VPS51: variants seen among roughly 807,000 people sequenced by gnomAD.
VPS51 encodes vacuolar protein sorting-associated protein 51 homolog.
A neutral mutation model predicts 65.1 loss-of-function variants in VPS51; 55 were observed. The ratio of observed to expected loss-of-function variants is 0.84; its 90% CI spans 0.68 to 1.06. VPS51 has a LOEUF of 1.06. Ranked by LOEUF, VPS51 falls within the 50% of genes least tolerant of loss-of-function variation. VPS51 has a pLI of 0.00. For synonymous variants in VPS51, 473 were observed against 489.5 expected (o/e 0.97, Z 0.44); for missense variants, 943 against 1,101.6 (o/e 0.86, Z 2.04).
Position 65,096,293 on chromosome 11 carries a change from C to T in VPS51, c.43C>T (p.Pro15Ser). The change falls in exon 1 of 10, where the codon CCT (proline) becomes TCT (serine). Residue 15 changes from proline to serine, a missense_variant. Physicochemically the swap from Pro to Ser is moderately conservative, Grantham distance 74. Around this residue, in one of 2 missense-constraint regions of VPS51, gnomAD observed 855 missense variants for 953.7 expected, o/e 0.90. Transcript: ENST00000279281. The stretch of plus-strand genomic sequence containing the variant: ...CGCCGGGCCTAGCCCGGGGTCTGGA[C>T]CTGGGGACTCCCCAGAAGGGCCCGA... Reference protein sequence around the residue: ...AAAGPSPGSGPGDSPEGPEGE... With the variant: ...AAAGPSPGSGSGDSPEGPEGE... 1 of 1,518,882 alleles carries T rather than the reference C, an allele frequency of 6.6e-7. No homozygotes were observed. Among genetic ancestry groups the T allele is most frequent in the South Asian group, 1.2e-5 (1 of 80,840 alleles). 94.1% of individuals were successfully genotyped at this position (1,518,882 alleles called of 1,614,324 possible).
Position 65,109,378 on chromosome 11 carries a change from G to T in VPS51, c.1542G>T (p.Glu514Asp). Reference sequence around the variant, plus strand: ...AGAGCTTCTGCGACAGCCCTGGGGAGAAGGGGGGTGCCACACCACCTGCCC... The same window carrying T: ...AGAGCTTCTGCGACAGCCCTGGGGATAAGGGGGGTGCCACACCACCTGCCC... ...TAQSFCDSPG[E>D]KGGATPPALL... is the part of the protein sequence containing the mutation. Residue 514 changes from glutamate (E) to aspartate (D), a missense_variant, in exon 6 of 10, where the codon GAG becomes GAT. Glu to Asp is a conservative substitution (Grantham distance 45, BLOSUM62 2). This residue lies in a region of VPS51 where 855 missense variants were observed against 953.7 expected (regional missense o/e 0.90). Transcript: ENST00000279281. The T allele has an allele frequency of 6.2e-7, 1 of 1,612,794 alleles. No individual in the cohort carries two copies. The highest frequency in any genetic ancestry group is 8.5e-7 in the Non-Finnish European group (1 of 1,180,006).
chr11:65,098,959 G>A (rs1947789554), intron 2 of VPS51, among the ~76,000 whole-genome samples: 1 of 152,174 alleles, frequency 6.6e-6, no homozygotes, highest in African/African-American at 2.4e-5. Context: ...AGGCTGAGGT[G>A]GGTGGATCAC....
rs951688421 is a variant in VPS51, at chr11:65,096,655, G to A, written c.228+177G>A. The A allele has an allele frequency of 9.1e-5, 59 of 646,594 alleles. No homozygotes were observed. In the East Asian group the frequency reaches 1.1e-3, roughly 12 times the overall value. The allele number at this position is 646,594 out of a possible 1,614,324, so 40.1% of individuals were successfully genotyped here. On this transcript the variant is annotated intron_variant, in intron 1 of 9. Transcript: ENST00000279281. ...GCAGCTGAGGCGTCTGAGGGGATGT[G>A]AGTAGGACTGGACTGGCCTGAGGTG... is the stretch of plus-strand genomic sequence containing the variant.
chr11:65,107,364 G>T lies in VPS51; in HGVS notation c.359-217G>T. On this transcript the variant is annotated intron_variant, in intron 2 of 9. Transcript: ENST00000279281. This position sits in a 1 kb window ranked among gnomAD's most constrained non-coding sequence, Gnocchi z 4.0. The stretch of plus-strand genomic sequence containing the variant: ...CTGGGCACCAGGGTTAGGGGGTTAC[G>T]GGGAGTATGTGAGTAACGCCTGCTT... The T allele has an allele frequency of 1.6e-6, 1 of 643,198 alleles. No homozygotes were observed. The highest frequency in any genetic ancestry group is 2.8e-6 in the Non-Finnish European group (1 of 361,358). 39.8% of individuals were successfully genotyped at this position (643,198 alleles called of 1,614,324 possible).
In VPS51 at chr11:65,111,706, C is replaced by G; in HGVS notation, c.*119C>G. The G allele has an allele frequency of 7.2e-7, 1 of 1,398,492 alleles. No individual in the cohort carries two copies. The highest frequency in any genetic ancestry group is 1.5e-5 in the South Asian group (1 of 67,624). 86.6% of individuals were successfully genotyped at this position (1,398,492 alleles called of 1,614,324 possible). A position where few individuals can be genotyped will look rare whatever the true frequency, so the allele number is the denominator to read the frequency against. On this transcript the variant is annotated 3_prime_UTR_variant, in exon 10 of 10. Coordinates refer to ENST00000279281, the MANE Select transcript of VPS51 (RefSeq NM_013265.4). The stretch of plus-strand genomic sequence containing the variant: ...CGGCCTAATAAACATGTGTGGCCTC[C>G]TCCTCTCGCTTGCTGGGCGGGCCTT...
chr11:65,108,056 G>T (rs1947855986), intron 4 of VPS51, 34 bp downstream of exon 4: 1 of 1,487,996 alleles, frequency 6.7e-7, no homozygotes. Context: ...CAGCGCTCCC[G>T]CCAGCCCCGA....
At chr11:65,110,993 C>A in intron 9 of VPS51, 1 of 674,368 alleles carries the variant, frequency 1.5e-6, no homozygotes, top group South Asian at 1.8e-5. Context: ...GTATGCCCAG[C>A]CTGAGTCTGG....
chr11:65,099,449 A>T lies in VPS51; in HGVS notation c.358+2322A>T, dbSNP rs1281331555. On this transcript the variant is annotated intron_variant, in intron 2 of 9. Coordinates refer to ENST00000279281, the MANE Select transcript of VPS51 (RefSeq NM_013265.4). The stretch of plus-strand genomic sequence containing the variant: ...TATCCACAGAGAGCTAAAACAAATG[A>T]GTGATGTGCTCAGATTTCTGGTTTG... Among the ~76,000 whole-genome samples the T allele has an allele frequency of 2.0e-5, 3 of 152,128 alleles. No individual in the cohort carries two copies. The East Asian group carries it at 5.8e-4, about 29-fold the overall frequency.
intron 7 of VPS51, 44 bp from the exon 8 acceptor site, chr11:65,110,438 T>C: frequency 6.2e-7 from 1 of 1,613,222 alleles, no homozygotes; most frequent in Admixed American, 1.7e-5. Flanking sequence ...GCTGGTGGTT[T>C]CCCCTGACTC....
Position 65,107,203 on chromosome 11 carries a change from G to A in VPS51, c.359-378G>A. 1 of 484,116 alleles carries A rather than the reference G, an allele frequency of 2.1e-6. No individual in the cohort carries two copies. The highest frequency in any genetic ancestry group is 4.1e-6 in the Non-Finnish European group (1 of 246,190). 30.0% of individuals were successfully genotyped at this position (484,116 alleles called of 1,614,324 possible). A position where few individuals can be genotyped will look rare whatever the true frequency, so the allele number is the denominator to read the frequency against. On this transcript the variant is annotated intron_variant, in intron 2 of 9. Coordinates refer to ENST00000279281, the MANE Select transcript of VPS51 (RefSeq NM_013265.4). This position sits in a 1 kb window ranked among gnomAD's most constrained non-coding sequence, Gnocchi z 4.0. The stretch of plus-strand genomic sequence containing the variant: ...CTCATCCAGGCAGTGCGCTGGACAC[G>A]CAGATGCGCTTGGGAGCCAGCGGTC...
In VPS51 at chr11:65,098,844, A is replaced by G. The variant is rs1947788637; in HGVS notation, c.358+1717A>G. ...TCTTTTTGTACATCCCACAAAAGGA[A>G]CAAACGTTTGGAAAAGTGTGAGGAT... On this transcript the variant is annotated intron_variant, in intron 2 of 9. Coordinates refer to ENST00000279281, the MANE Select transcript of VPS51 (RefSeq NM_013265.4). Among the ~76,000 whole-genome samples the G allele has an allele frequency of 3.3e-5, 5 of 152,210 alleles. No homozygotes were observed. In the South Asian group the frequency reaches 1.0e-3, roughly 31 times the overall value.
chr11:65,096,904 A>C, intron 1 of VPS51, 94 bp from the exon 2 acceptor site: 8 of 1,534,972 alleles, frequency 5.2e-6, no homozygotes, highest in Non-Finnish European at 7.0e-6. Context: ...GGTGGGGATC[A>C]GAGATTTCTT....
At chr11:65,099,103 G>A (rs1242926875) in intron 2 of VPS51, among the ~76,000 whole-genome samples, 1 of 152,184 alleles carries the variant, frequency 6.6e-6, no homozygotes, top group Non-Finnish European at 1.5e-5. Flanking sequence ...CAGGAGAATT[G>A]CTTGAACCCA....
intron 2 of VPS51, among the ~76,000 whole-genome samples, chr11:65,100,612 C>T (rs886695209): frequency 6.8e-6 from 1 of 147,892 alleles, no homozygotes; most frequent in African/African-American, 2.5e-5. Flanking sequence ...CTCACTGTAA[C>T]CTCCGCCTCC....
At chr11:65,108,146 C>G (rs1051274740) in intron 4 of VPS51, 51 bp from the exon 5 acceptor site, 1 of 1,577,448 alleles carries the variant, frequency 6.3e-7, no homozygotes, top group African/African-American at 1.4e-5. Context: ...TGCTCCTGCC[C>G]CATCCACCGG....
At chr11:65,110,034 C>A in intron 7 of VPS51, 111 bp downstream of exon 7, 1 of 1,191,656 alleles carries the variant, frequency 8.4e-7, no homozygotes, top group Non-Finnish European at 1.2e-6. Flanking sequence ...GAGGAGGGGA[C>A]ATGTGTATCT....
rs867252838 is a variant in VPS51, at chr11:65,107,691, C to A, written c.469C>A (p.Leu157Met). 1.9e-6 allele frequency: 3 copies of A among 1,610,124 alleles called. No homozygotes were observed. Among genetic ancestry groups the A allele is most frequent in the Middle Eastern group, 1.7e-4 (1 of 6,056 alleles). ...TDFSARISAT[L>M]QDRHERITKL... ...CTTCAGCGCTCGCATCAGCGCCACG[C>A]TGCAGGACCGCCACGAGCGCATCAC... The change falls in exon 3 of 10, where the codon CTG becomes ATG. Residue 157 changes from leucine to methionine, a missense_variant. Around this residue, in one of 2 missense-constraint regions of VPS51, gnomAD observed 855 missense variants for 953.7 expected, o/e 0.90. Transcript: ENST00000279281. This position sits in a 1 kb window ranked among gnomAD's most constrained non-coding sequence, Gnocchi z 4.0.
intron 4 of VPS51, 79 bp from the exon 5 acceptor site, chr11:65,108,116 CTG>C: frequency 6.5e-7 from 1 of 1,542,210 alleles, no homozygotes; most frequent in Non-Finnish European, 8.7e-7. Flanking sequence ...TCCCCCTGCC[CTG>C]TGTGTGCTTT....
rs904151048 is a variant in VPS51 at position 65,111,693 on chromosome 11, CAT to C, written c.*107_*108del. 136 of 1,425,402 alleles carry C rather than the reference CAT, an allele frequency of 9.5e-5. No homozygotes were observed. Among genetic ancestry groups the C allele is most frequent in the Middle Eastern group, 2.5e-4 (1 of 3,990 alleles). The allele number at this position is 1,425,402 out of a possible 1,614,324, so 88.3% of individuals were successfully genotyped here. A position where few individuals can be genotyped will look rare whatever the true frequency, so the allele number is the denominator to read the frequency against. The stretch of plus-strand genomic sequence containing the variant: ...CAGGTGTCAGGACCGGCCTAATAAA[CAT>C]GTGTGGCCTCCTCCTCTCGCTTGCT... On this transcript the variant is annotated 3_prime_UTR_variant, in exon 10 of 10. Coordinates refer to ENST00000279281, the MANE Select transcript of VPS51 (RefSeq NM_013265.4).
Sources: allele counts gnomAD v4.1 joint callset (sites outside exome capture counted in the v4.1 genomes callset), GRCh38; gene constraint gnomAD v4.1.1; regional missense constraint gnomAD v4.1.1; non-coding constraint Gnocchi (gnomAD v3.1); transcripts MANE v1.5; gene names NCBI Gene and HGNC (gene_info 2026-07-23, HGNC 2026-07-21).